The following PRKCQ variants were observed in gnomAD, a reference collection of about 807,000 sequenced individuals.
PRKCQ encodes the protein protein kinase C theta.
A neutral mutation model predicts 91.2 loss-of-function variants in PRKCQ; 41 were observed. The observed-to-expected ratio is 0.45, with a 90% confidence interval of 0.35 to 0.58. The LOEUF (loss-of-function observed/expected upper bound fraction) is 0.58. PRKCQ is among the 20% of genes least tolerant of loss of function. The pLI, the probability that PRKCQ is intolerant of heterozygous loss-of-function variation, is 0.00. For missense variants in PRKCQ, 673 were observed against 896.5 expected, an observed-to-expected ratio of 0.75 and a Z score of 3.18; for synonymous variants, 307 against 316.9, an observed-to-expected ratio of 0.97 and a Z score of 0.33.
At chr10:6,527,205 A>G (rs1839230548) in intron 1 of PRKCQ, among the ~76,000 whole-genome samples, 1 of 152,208 alleles carries the variant, frequency 6.6e-6, no homozygotes, top group African/African-American at 2.4e-5. Context: ...ATTAAGACAC[A>G]TGAACTAAGG....
chr10:6,545,465 T>C (rs1839916331), intron 1 of PRKCQ, among the ~76,000 whole-genome samples: 1 of 152,210 alleles, frequency 6.6e-6, no homozygotes, highest in Non-Finnish European at 1.5e-5. Flanking sequence ...GGGGACATTA[T>C]GCTCGGTGAA....
In PRKCQ at chr10:6,430,466, C is replaced by T. The variant is rs1833355491; in HGVS notation, c.1965+344G>A. Among the ~76,000 whole-genome samples the T allele has an allele frequency of 6.6e-6, 1 of 152,204 alleles. No individual in the cohort carries two copies. Among genetic ancestry groups the T allele is most frequent in the Non-Finnish European group, 1.5e-5 (1 of 68,040 alleles). On this transcript the variant is annotated intron_variant, in intron 17 of 17. Coordinates refer to ENST00000263125, the MANE Select transcript of PRKCQ (RefSeq NM_006257.5). This position sits in a 1 kb window ranked among gnomAD's most constrained non-coding sequence, Gnocchi z 4.7. ...TATGTCCAAGTTTGGGTTACCCAGA[C>T]TGGACCATTAAGTACGTATGTGTCA...
At chr10:6,398,261 TACC>T in the PRKCQ span, among the ~76,000 whole-genome samples, 10 of 152,238 alleles carry the variant, frequency 6.6e-5, no homozygotes, top group Non-Finnish European at 1.3e-4. Flanking sequence ...CTTACGCCAG[TACC>T]ACAATATCTT....
At chr10:6,454,920 C>T (rs772846547) in intron 15 of PRKCQ, among the ~76,000 whole-genome samples, 4 of 152,098 alleles carry the variant, frequency 2.6e-5, no homozygotes, top group African/African-American at 4.8e-5. Context: ...CTGTGGAAGC[C>T]GGATTCTGCA....
At chr10:6,420,839 C>A in the PRKCQ span, among the ~76,000 whole-genome samples, 2 of 152,098 alleles carry the variant, frequency 1.3e-5, no homozygotes, top group South Asian at 4.1e-4. Context: ...CACTAGTGTT[C>A]TGACATTTTT....
intron 1 of PRKCQ, among the ~76,000 whole-genome samples, chr10:6,534,774 CTATATATATATATATATAGATATATA>C (rs1176252399): frequency 2.8e-5 from 4 of 142,796 alleles, no homozygotes; most frequent in African/African-American, 1.1e-4. Flanking sequence ...AAACATATAT[CTATATATATATATATATAGATATATA>C]TATATATATA....
intron 11 of PRKCQ, among the ~76,000 whole-genome samples, chr10:6,481,761 GCA>G (rs1391540623): frequency 6.6e-6 from 1 of 152,192 alleles, no homozygotes; most frequent in Non-Finnish European, 1.5e-5. Flanking sequence ...GCCTTTGGCT[GCA>G]CAGATTCATA....
intron 15 of PRKCQ, among the ~76,000 whole-genome samples, chr10:6,443,536 G>A (rs1834082614): frequency 6.6e-6 from 1 of 152,210 alleles, no homozygotes; most frequent in African/African-American, 2.4e-5. Context: ...ACATGATGTT[G>A]AGTGAAGCAA....
chr10:6,415,688 A>G, the PRKCQ span, among the ~76,000 whole-genome samples: 1 of 151,052 alleles, frequency 6.6e-6, no homozygotes, highest in Non-Finnish European at 1.5e-5. Context: ...GTTTGGGTCA[A>G]ATTATAAATG....
At chr10:6,401,731 G>A in the PRKCQ span, among the ~76,000 whole-genome samples, 1 of 152,118 alleles carries the variant, frequency 6.6e-6, no homozygotes, top group South Asian at 2.1e-4. Context: ...TTGACCCGCC[G>A]TCTCTTTCTC....
intron 1 of PRKCQ, among the ~76,000 whole-genome samples, chr10:6,553,203 C>T (rs1188019279): frequency 1.3e-5 from 2 of 152,168 alleles, no homozygotes; most frequent in African/African-American, 2.4e-5. Context: ...TTAATGATCT[C>T]CTGGACCACA....
chr10:6,503,390 C>CG (rs1838023797), intron 4 of PRKCQ, among the ~76,000 whole-genome samples: 1 of 151,870 alleles, frequency 6.6e-6, no homozygotes, highest in Non-Finnish European at 1.5e-5. Context: ...AGAAAGTTGG[C>CG]AGGGGGGCAT....
rs771046230 is a variant in PRKCQ at position 6,430,194 on chromosome 10, G to A, written c.1965+616C>T. Among the ~76,000 whole-genome samples, 3 of 152,132 alleles carry A rather than the reference G, an allele frequency of 2.0e-5. No individual in the cohort carries two copies. Among genetic ancestry groups the A allele is most frequent in the East Asian group, 1.9e-4 (1 of 5,192 alleles). On this transcript the variant is annotated intron_variant, in intron 17 of 17. Coordinates refer to ENST00000263125, the MANE Select transcript of PRKCQ (RefSeq NM_006257.5). The surrounding 1 kb of genome is among the most constrained non-coding windows in gnomAD (Gnocchi z 4.7). ...TTTTGACTTCACTTTATGGTGGCCC[G>A]TCTCGCAGGTGAGCCAGGTCATTCT...
intron 1 of PRKCQ, among the ~76,000 whole-genome samples, chr10:6,570,470 G>A (rs1840999918): frequency 6.6e-6 from 1 of 152,028 alleles, no homozygotes; most frequent in South Asian, 2.1e-4. Flanking sequence ...GGGAAGATAA[G>A]AGATTGAGAT....
intron 15 of PRKCQ, among the ~76,000 whole-genome samples, chr10:6,445,986 A>C (rs1479066908): frequency 1.3e-5 from 2 of 152,240 alleles, no homozygotes; most frequent in Non-Finnish European, 2.9e-5. Flanking sequence ...TGTGGTGCAA[A>C]TTAAGGCTTC....
chr10:6,400,414 G>A, the PRKCQ span, among the ~76,000 whole-genome samples: 1 of 152,208 alleles, frequency 6.6e-6, no homozygotes, highest in Non-Finnish European at 1.5e-5. Flanking sequence ...AGTAGTCACA[G>A]TACCAACCTC....
chr10:6,551,881 T>C (rs1840199074), intron 1 of PRKCQ, among the ~76,000 whole-genome samples: 1 of 152,240 alleles, frequency 6.6e-6, no homozygotes, highest in Non-Finnish European at 1.5e-5. Context: ...TTTTAGCTCT[T>C]TGAGGAATCA....
intron 2 of PRKCQ, among the ~76,000 whole-genome samples, chr10:6,513,447 CAAAAA>C (rs58606251): frequency 3.1e-4 from 33 of 105,578 alleles, no homozygotes; most frequent in Non-Finnish European, 4.4e-4. Context: ...AGGCCAAATG[CAAAAA>C]AAAAAAAAAA....
At chr10:6,531,080 AAACAGC>A (rs1238627337) in intron 1 of PRKCQ, among the ~76,000 whole-genome samples, 1 of 152,114 alleles carries the variant, frequency 6.6e-6, no homozygotes, top group African/African-American at 2.4e-5. Context: ...GGTCCTGGAG[AAACAGC>A]AACATCAGCA....
Sources: allele counts gnomAD v4.1 joint callset (sites outside exome capture counted in the v4.1 genomes callset), GRCh38; gene constraint gnomAD v4.1.1; non-coding constraint Gnocchi (gnomAD v3.1); transcripts MANE v1.5; gene names NCBI Gene and HGNC (gene_info 2026-07-23, HGNC 2026-07-21).